DPRX: variants seen among roughly 807,000 people sequenced by gnomAD.
The protein encoded by DPRX is divergent-paired related homeobox.
DPRX carries 11 observed loss-of-function variants against 8.4 expected under a neutral mutation model. That is an observed-to-expected ratio of 1.31 (90% CI 0.82 to 2.17). DPRX has a LOEUF of 2.17. DPRX is among the 30% of genes most tolerant of loss of function. The pLI is 0.00. For synonymous variants in DPRX, 72 were observed against 87.0 expected (o/e 0.83, Z 0.96); for missense variants, 211 against 236.7 (o/e 0.89, Z 0.71).
chr19:53,623,953 AAAATAAAT>A, the DPRX span, among the ~76,000 whole-genome samples: 1 of 127,376 alleles, frequency 7.9e-6, no homozygotes, highest in Non-Finnish European at 1.7e-5. Context: ...TCCGTCTCAA[AAAATAAAT>A]AAATAAATAA....
chr19:53,623,511 G>A, the DPRX span, among the ~76,000 whole-genome samples: 6 of 151,970 alleles, frequency 3.9e-5, no homozygotes, highest in South Asian at 1.3e-3. Flanking sequence ...GGTGGCACAT[G>A]CCTATAATCC....
intron 1 of DPRX, among the ~76,000 whole-genome samples, 158 bp downstream of exon 1, chr19:53,632,292 G>GTTGTT (rs927365250): frequency 1.3e-4 from 19 of 151,822 alleles, no homozygotes; most frequent in Non-Finnish European, 1.8e-4. Context: ...TTTTGTTGTT[G>GTTGTT]TTGTTTTGTT....
chr19:53,624,374 G>A, the DPRX span, among the ~76,000 whole-genome samples: 5 of 147,922 alleles, frequency 3.4e-5, no homozygotes, highest in Non-Finnish European at 7.4e-5. Flanking sequence ...CAGGCACAGG[G>A]AGCCACCATG....
the DPRX span, among the ~76,000 whole-genome samples, chr19:53,607,703 A>C: frequency 7.1e-6 from 1 of 140,518 alleles, no homozygotes; most frequent in Non-Finnish European, 1.5e-5. Flanking sequence ...AAAAAAAAAA[A>C]ACCAAATTGG....
chr19:53,624,517 G>A, the DPRX span, among the ~76,000 whole-genome samples: 5 of 151,840 alleles, frequency 3.3e-5, no homozygotes, highest in East Asian at 7.8e-4. Flanking sequence ...GTTTCAAGCC[G>A]TACTCTTACC....
the DPRX span, chr19:53,616,784 T>G: frequency 6.4e-7 from 1 of 1,552,294 alleles, no homozygotes; most frequent in Non-Finnish European, 8.8e-7. Flanking sequence ...AGGCCGAGAA[T>G]GGCCCTTGCT....
the DPRX span, among the ~76,000 whole-genome samples, chr19:53,609,522 C>A: frequency 4.5e-5 from 6 of 133,764 alleles, no homozygotes; most frequent in East Asian, 2.2e-4. Flanking sequence ...ACAAAAAAAA[C>A]CCCAAACATA....
At chr19:53,617,512 C>T in the DPRX span, among the ~76,000 whole-genome samples, 3 of 148,282 alleles carry the variant, frequency 2.0e-5, no homozygotes, top group Admixed American at 6.8e-5. Context: ...GAGCCGAGAT[C>T]GCACCATTGC....
the DPRX span, among the ~76,000 whole-genome samples, chr19:53,612,597 A>G: frequency 6.7e-6 from 1 of 149,242 alleles, no homozygotes; most frequent in Non-Finnish European, 1.5e-5. Context: ...ATCCTAGCTA[A>G]TTGGGAGGCC....
chr19:53,619,946 G>T, the DPRX span, among the ~76,000 whole-genome samples: 1,031 of 151,614 alleles, frequency 6.8e-3, 16 homozygotes, highest in African/African-American at 0.023. Context: ...GACTGTTTAC[G>T]CTTCCTCTTA....
the DPRX span, among the ~76,000 whole-genome samples, chr19:53,613,716 C>T: frequency 7.9e-5 from 12 of 151,868 alleles, no homozygotes; most frequent in East Asian, 2.4e-3. Context: ...GTGTACTCCA[C>T]AACCCCAAAC....
At chr19:53,625,185 G>A in the DPRX span, among the ~76,000 whole-genome samples, 2 of 150,646 alleles carry the variant, frequency 1.3e-5, no homozygotes, top group East Asian at 2.0e-4. Flanking sequence ...TGGAGTACTA[G>A]GACTATAGGT....
intron 2 of DPRX, among the ~76,000 whole-genome samples, chr19:53,635,643 A>T (rs2091109188): frequency 6.6e-6 from 1 of 152,126 alleles, no homozygotes; most frequent in Non-Finnish European, 1.5e-5. Flanking sequence ...AGCCTCCCAG[A>T]GTCCTGGGAT....
At chr19:53,636,909 T>C in exon 3 of DPRX, 1 of 1,613,870 alleles carries the variant, frequency 6.2e-7, no homozygotes, top group South Asian at 1.1e-5. Context: ...CTCTACCCCA[T>C]TTTGGAATCC....
At chr19:53,633,475 G>A (rs752399250) in intron 1 of DPRX, among the ~76,000 whole-genome samples, 3 of 151,962 alleles carry the variant, frequency 2.0e-5, no homozygotes, top group Non-Finnish European at 4.4e-5. Flanking sequence ...AAGAGGTAAG[G>A]CACAAGCGAT....
the DPRX span, among the ~76,000 whole-genome samples, chr19:53,618,142 CAAAA>C: frequency 1.5e-3 from 181 of 119,298 alleles, no homozygotes; most frequent in Non-Finnish European, 1.9e-3. Flanking sequence ...GACTCTGTTT[CAAAA>C]AAAAAAAAAG....
chr19:53,604,095 C>T, the DPRX span, among the ~76,000 whole-genome samples: 15 of 152,212 alleles, frequency 9.9e-5, no homozygotes, highest in South Asian at 4.2e-4. Context: ...CGGCATTCCA[C>T]GCTGCCCATG....
At chr19:53,609,047 A>G in the DPRX span, among the ~76,000 whole-genome samples, 1 of 151,996 alleles carries the variant, frequency 6.6e-6, no homozygotes, top group South Asian at 2.1e-4. Context: ...ATTCATTTGG[A>G]AACAAAAAGA....
At chr19:53,611,552 TAAG>T in the DPRX span, among the ~76,000 whole-genome samples, 1 of 151,920 alleles carries the variant, frequency 6.6e-6, no homozygotes. Context: ...ATGGTGGAAA[TAAG>T]GAGATGATTG....
Sources: allele counts gnomAD v4.1 joint callset (sites outside exome capture counted in the v4.1 genomes callset), GRCh38; gene constraint gnomAD v4.1.1; transcripts MANE v1.5; gene names NCBI Gene and HGNC (gene_info 2026-07-23, HGNC 2026-07-21).